CABP7: variants seen among roughly 807,000 people sequenced by gnomAD.
CABP7 encodes the protein calcium binding protein 7, also known as calcium-binding protein 7.
A neutral mutation model predicts 23.1 loss-of-function variants in CABP7; 13 were observed. The ratio of observed to expected loss-of-function variants is 0.56; its 90% CI spans 0.37 to 0.90. CABP7 has a LOEUF of 0.90. Ranked by LOEUF, CABP7 falls within the 40% of genes least tolerant of loss-of-function variation. The probability of loss-of-function intolerance (pLI) is 0.01; values close to 1 mark genes in which losing one functional copy is unlikely to be tolerated. For synonymous variants in CABP7, 123 were observed against 115.3 expected (o/e 1.07, Z -0.43); for missense variants, 248 against 295.6 (o/e 0.84, Z 1.18).
Position 29,720,114 on chromosome 22 carries a change from G to C in CABP7, c.-311G>C, listed in dbSNP as rs1391370278. 6.8e-6 allele frequency: 1 copy of C among 147,932 alleles called. No homozygotes were observed. Among genetic ancestry groups the C allele is most frequent in the East Asian group, 1.9e-4 (1 of 5,136 alleles). The allele number at this position is 147,932 out of a possible 1,614,324, so 9.2% of individuals were successfully genotyped here. On this transcript the variant is annotated 5_prime_UTR_variant, in exon 1 of 5. Transcript: ENST00000216144. The surrounding 1 kb of genome is among the most constrained non-coding windows in gnomAD (Gnocchi z 5.2). ...GCGGCGAGCAGCGCGGAGCGCGCGG[G>C]GCACCGAGGAGCGGGCGCGGCGGGC... is the stretch of plus-strand genomic sequence containing the variant.
chr22:29,729,253 G>A, intron 4 of CABP7, 45 bp downstream of exon 4: 11 of 1,583,192 alleles, frequency 6.9e-6, no homozygotes, highest in Non-Finnish European at 8.6e-6. Flanking sequence ...CCAGTGACTT[G>A]GCCAGGGGGA....
In CABP7 at chr22:29,730,151, C is replaced by G. The variant is rs1201084947; in HGVS notation, c.*582C>G. 2 of 153,000 alleles carry G rather than the reference C, an allele frequency of 1.3e-5. No homozygotes were observed. The highest frequency in any genetic ancestry group is 2.9e-5 in the Non-Finnish European group (2 of 68,300). The allele number at this position is 153,000 out of a possible 1,614,324, so 9.5% of individuals were successfully genotyped here. On this transcript the variant is annotated 3_prime_UTR_variant, in exon 5 of 5. Transcript: ENST00000216144. Reference sequence around the variant, plus strand: ...CTCTGACCCTCGTTGGACCCCAACCCAGACCCCCTTTTCTCCATGTACCTG... The same window carrying G: ...CTCTGACCCTCGTTGGACCCCAACCGAGACCCCCTTTTCTCCATGTACCTG...
At chr22:29,728,863 G>T in intron 3 of CABP7, 121 bp downstream of exon 3, 1 of 1,002,458 alleles carries the variant, frequency 1.0e-6, no homozygotes, top group Non-Finnish European at 1.5e-6. Context: ...GTGTCCACTG[G>T]ACATTTCACC....
Position 29,720,481 on chromosome 22 carries a change from C to T in CABP7, c.57C>T (p.Pro19=), listed in dbSNP as rs762708772. 1 of 1,564,350 alleles carries T rather than the reference C, an allele frequency of 6.4e-7. No individual in the cohort carries two copies. Among genetic ancestry groups the T allele is most frequent in the Non-Finnish European group, 8.6e-7 (1 of 1,156,682 alleles). The stretch of plus-strand genomic sequence containing the variant: ...TGTACCGGGGCATCTACACCGTGCC[C>T]AACCTGCTGTCGGAGCAGCGCCCGG... The part of the protein sequence containing the change: ...ALMYRGIYTV[P]NLLSEQRPVD... The change falls in exon 1 of 5, where the codon CCC becomes CCT. Residue 19 remains proline, a synonymous_variant. Transcript: ENST00000216144. This position sits in a 1 kb window ranked among gnomAD's most constrained non-coding sequence, Gnocchi z 5.2.
Position 29,730,193 on chromosome 22 carries a change from C to A in CABP7, c.*624C>A, listed in dbSNP as rs1343066581. ...ATGTACCTGCTGGGCCAGCCCATTT[C>A]ACAGGTGAGGAACCCGAGGCTCAGG... On this transcript the variant is annotated 3_prime_UTR_variant, in exon 5 of 5. Transcript: ENST00000216144. 1 of 152,864 alleles carries A rather than the reference C, an allele frequency of 6.5e-6. No homozygotes were observed. Among genetic ancestry groups the A allele is most frequent in the East Asian group, 1.9e-4 (1 of 5,326 alleles). The allele number at this position is 152,864 out of a possible 1,614,324, so 9.5% of individuals were successfully genotyped here. A position where few individuals can be genotyped will look rare whatever the true frequency, so the allele number is the denominator to read the frequency against.
In CABP7 at chr22:29,720,890, G is replaced by T. The variant is rs534243487; in HGVS notation, c.109+357G>T. On this transcript the variant is annotated intron_variant, in intron 1 of 4. Coordinates refer to ENST00000216144, the MANE Select transcript of CABP7 (RefSeq NM_182527.3). This position sits in a 1 kb window ranked among gnomAD's most constrained non-coding sequence, Gnocchi z 5.2. ...CTGAGCCCCCAGCGCCGGCCCGGCC[G>T]GAGCACCCGCATCCTGATCCCCTCC... is the stretch of plus-strand genomic sequence containing the variant. 6.6e-6 allele frequency among the ~76,000 whole-genome samples: 1 copy of T among 151,794 alleles called. No individual in the cohort carries two copies. Among genetic ancestry groups the T allele is most frequent in the East Asian group, 2.0e-4 (1 of 5,120 alleles).
At chr22:29,725,321 T>C (rs918359399) in intron 1 of CABP7, among the ~76,000 whole-genome samples, 1 of 152,248 alleles carries the variant, frequency 6.6e-6, no homozygotes, top group South Asian at 2.1e-4. Flanking sequence ...CCAGGATTGT[T>C]CGTGGGCTCT....
In CABP7 at chr22:29,728,413, G is replaced by A. The variant is rs1265479834; in HGVS notation, c.254-217G>A. ...CTGCTGTCTACCTCCACCTCCCCTT[G>A]TAAGGCCTCATCACACTGGGTGGCT... On this transcript the variant is annotated intron_variant, in intron 2 of 4. Transcript: ENST00000216144. Among the ~76,000 whole-genome samples the A allele has an allele frequency of 2.6e-5, 4 of 152,314 alleles. No individual in the cohort carries two copies. The East Asian group carries it at 5.8e-4, about 22-fold the overall frequency.
Position 29,727,867 on chromosome 22 carries a change from G to A in CABP7, c.253+62G>A, listed in dbSNP as rs987126172. The A allele has an allele frequency of 1.3e-6, 2 of 1,559,372 alleles. No homozygotes were observed. The highest frequency in any genetic ancestry group is 1.7e-6 in the Non-Finnish European group (2 of 1,149,692). ...TCTGGGCCCTGGGGGTGGGGCAGGGGCTGGGGCCTGAGCTGCTGAGGCTGC... is the reference window on the plus strand; with the variant it reads ...TCTGGGCCCTGGGGGTGGGGCAGGGACTGGGGCCTGAGCTGCTGAGGCTGC... On this transcript the variant is annotated intron_variant, in intron 2 of 4. Coordinates refer to ENST00000216144, the MANE Select transcript of CABP7 (RefSeq NM_182527.3). This position sits in a 1 kb window ranked among gnomAD's most constrained non-coding sequence, Gnocchi z 4.2.
rs2067832732 is a variant in CABP7, at chr22:29,730,621, C to G, written c.*1052C>G. The G allele has an allele frequency of 6.6e-6, 1 of 152,482 alleles. No individual in the cohort carries two copies. The highest frequency in any genetic ancestry group is 1.5e-5 in the Non-Finnish European group (1 of 68,180). The allele number at this position is 152,482 out of a possible 1,614,324, so 9.4% of individuals were successfully genotyped here. ...TTCTCTACGCCCTCAAGGTTGGAGA[C>G]CCCGCTCCCATGCCCCAGCTGTGCC... On this transcript the variant is annotated 3_prime_UTR_variant, in exon 5 of 5. Transcript: ENST00000216144.
At chr22:29,725,025 C>T (rs2067785420) in intron 1 of CABP7, among the ~76,000 whole-genome samples, 1 of 152,156 alleles carries the variant, frequency 6.6e-6, no homozygotes, top group Non-Finnish European at 1.5e-5. Context: ...CCCACTGCAT[C>T]CCCTACTGTG....
rs116658301 is a variant in CABP7, at chr22:29,730,937, G to T, written c.*1368G>T. On this transcript the variant is annotated 3_prime_UTR_variant, in exon 5 of 5. Transcript: ENST00000216144. ...ACAGAGCTCAGAGCACCCAGTGTAG[G>T]GAAACACAGCCAGACCACTGTGGTG... 8.5e-3 allele frequency: 2,228 copies of T among 261,240 alleles called. 45 individuals carry two copies. The highest frequency in any genetic ancestry group is 0.046 in the African/African-American group (2,049 of 44,826). 16.2% of individuals were successfully genotyped at this position (261,240 alleles called of 1,614,324 possible). A position where few individuals can be genotyped will look rare whatever the true frequency, so the allele number is the denominator to read the frequency against.
Position 29,720,470 on chromosome 22 carries a change from T to C in CABP7, c.46T>C (p.Tyr16His), listed in dbSNP as rs770305864. The C allele has an allele frequency of 1.3e-6, 2 of 1,564,008 alleles. No individual in the cohort carries two copies. Residue 16 changes from tyrosine to histidine, a missense_variant, in exon 1 of 5, where the codon TAC becomes CAC. Tyr to His is a moderately conservative substitution (Grantham distance 83). Transcript: ENST00000216144. This position sits in a 1 kb window ranked among gnomAD's most constrained non-coding sequence, Gnocchi z 5.2. ...GGCGGCGTTGATGTACCGGGGCATC[T>C]ACACCGTGCCCAACCTGCTGTCGGA... ...VTAALMYRGI[Y>H]TVPNLLSEQR...
At chr22:29,726,742 GC>G (rs1360145026) in intron 1 of CABP7, among the ~76,000 whole-genome samples, 5 of 152,126 alleles carry the variant, frequency 3.3e-5, no homozygotes, top group African/African-American at 1.2e-4. Flanking sequence ...ATCGAGCCCC[GC>G]CCCCCACTCC....
chr22:29,727,788 A>G lies in CABP7; in HGVS notation c.236A>G (p.Gln79Arg), dbSNP rs1211831469. 6.2e-7 allele frequency: 1 copy of G among 1,610,636 alleles called. No individual in the cohort carries two copies. The highest frequency in any genetic ancestry group is 8.5e-7 in the Non-Finnish European group (1 of 1,178,394). ...GAGGTGGAGCTGGAGGTCATCATCCAGCGGCTGGACATGGATGGTGAGCAC... is the reference window on the plus strand; with the variant it reads ...GAGGTGGAGCTGGAGGTCATCATCCGGCGGCTGGACATGGATGGTGAGCAC... ...PNEVELEVII[Q>R]RLDMDGDGQV... is the part of the protein sequence containing the mutation. The change falls in exon 2 of 5, where the codon CAG (glutamine) becomes CGG (arginine). Residue 79 changes from glutamine (Q) to arginine (R), a missense_variant. Gln to Arg is a conservative substitution (Grantham distance 43). Transcript: ENST00000216144. The surrounding 1 kb of genome is among the most constrained non-coding windows in gnomAD (Gnocchi z 4.2).
intron 1 of CABP7, among the ~76,000 whole-genome samples, chr22:29,721,353 C>T (rs954360613): frequency 6.6e-6 from 1 of 152,254 alleles, no homozygotes; most frequent in Middle Eastern, 3.4e-3. Context: ...CCCTGGGGCC[C>T]GCCCAGCTCC....
chr22:29,728,657 T>C lies in CABP7; in HGVS notation c.281T>C (p.Phe94Ser). Residue 94 changes from phenylalanine to serine, a missense_variant, in exon 3 of 5, where the codon TTT becomes TCT. Transcript: ENST00000216144. Reference protein sequence around the residue: ...DGDGQVDFEEFVTLLGPKLST... With the variant: ...DGDGQVDFEESVTLLGPKLST... ...GATGGTCAAGTGGACTTTGAGGAGT[T>C]TGTGACCCTTCTGGGACCCAAACTC... The C allele has an allele frequency of 6.2e-7, 1 of 1,613,546 alleles. No homozygotes were observed. The highest frequency in any genetic ancestry group is 8.5e-7 in the Non-Finnish European group (1 of 1,179,776).
rs1340943392 is a variant in CABP7, at chr22:29,729,704, A to G, written c.*135A>G. ...TACTTCAGGGCCTGGGTATCCAGCG[A>G]GCCCTCCCCACCCACCCACGGTCCT... On this transcript the variant is annotated 3_prime_UTR_variant, in exon 5 of 5. Transcript: ENST00000216144. 4.3e-6 allele frequency: 5 copies of G among 1,167,296 alleles called. No individual in the cohort carries two copies. The highest frequency in any genetic ancestry group is 2.9e-4 in the Middle Eastern group (1 of 3,470). 72.3% of individuals were successfully genotyped at this position (1,167,296 alleles called of 1,614,324 possible). A position where few individuals can be genotyped will look rare whatever the true frequency, so the allele number is the denominator to read the frequency against.
intron 4 of CABP7, 87 bp downstream of exon 4, chr22:29,729,295 G>A: frequency 5.1e-6 from 8 of 1,575,000 alleles, no homozygotes; most frequent in East Asian, 2.3e-5. Context: ...GCAGAGGGGG[G>A]CTGGGGGCCT....
Sources: allele counts gnomAD v4.1 joint callset (sites outside exome capture counted in the v4.1 genomes callset), GRCh38; gene constraint gnomAD v4.1.1; non-coding constraint Gnocchi (gnomAD v3.1); transcripts MANE v1.5; gene names NCBI Gene and HGNC (gene_info 2026-07-23, HGNC 2026-07-21).